Variants in SEMA6D observed in about 807,000 individuals in gnomAD.
The protein encoded by SEMA6D is semaphorin-6D.
Under a neutral mutation model 106.6 loss-of-function variants are expected in SEMA6D, and 35 were observed. That is an observed-to-expected ratio of 0.33 (90% confidence interval 0.25 to 0.44). SEMA6D has a LOEUF of 0.44. Among genes scored for constraint, SEMA6D ranks in the 20% least tolerant of loss-of-function variants. The probability of loss-of-function intolerance (pLI) is 1.00; values close to 1 mark genes in which losing one functional copy is unlikely to be tolerated. For missense variants in SEMA6D, 1,185 were observed against 1,345.9 expected (o/e 0.88, Z 1.87); for synonymous variants, 499 against 487.7 (o/e 1.02, Z -0.31).
chr15:47,214,082 A>C (rs1248583995), intron 1 of SEMA6D, among the ~76,000 whole-genome samples: 1 of 152,140 alleles, frequency 6.6e-6, no homozygotes, highest in Non-Finnish European at 1.5e-5. Context: ...GCATGGAGAA[A>C]ACTGTTAAAA....
intron 1 of SEMA6D, among the ~76,000 whole-genome samples, chr15:47,282,758 A>T (rs2035184873): frequency 6.6e-6 from 1 of 152,234 alleles, no homozygotes; most frequent in Middle Eastern, 3.4e-3. Flanking sequence ...AATGTAGATG[A>T]TGCTATGATG....
intron 3 of SEMA6D, among the ~76,000 whole-genome samples, chr15:47,473,831 C>A (rs898808485): frequency 1.3e-5 from 2 of 152,058 alleles, no homozygotes; most frequent in African/African-American, 4.8e-5. Context: ...CCAGAAACTC[C>A]TTCTTTCCCC....
intron 2 of SEMA6D, among the ~76,000 whole-genome samples, chr15:47,429,442 C>G (rs1391195595): frequency 6.6e-6 from 1 of 152,128 alleles, no homozygotes; most frequent in Admixed American, 6.6e-5. Flanking sequence ...AGTAAGGAAT[C>G]TAGCCATTCT....
intron 1 of SEMA6D, among the ~76,000 whole-genome samples, chr15:47,253,379 A>G (rs2033626922): frequency 6.6e-6 from 1 of 151,888 alleles, no homozygotes; most frequent in African/African-American, 2.4e-5. Flanking sequence ...CCATTTGTCT[A>G]TTTTTGCTTT....
Position 47,654,716 on chromosome 15 carries a change from C to A in SEMA6D, c.-55+53820C>A, listed in dbSNP as rs541686355. Among the ~76,000 whole-genome samples the A allele has an allele frequency of 7.2e-5, 11 of 152,326 alleles. No individual in the cohort carries two copies. The South Asian group carries it at 1.4e-3, about 20-fold the overall frequency. On this transcript the variant is annotated intron_variant, in intron 4 of 19. Coordinates refer to the SEMA6D transcript ENST00000558014. The stretch of plus-strand genomic sequence containing the variant: ...TTTAAAACTGTGCGGCTCCTCCCCC[C>A]ACTGCCTTTCTCTCTTGCTCCTGCT...
chr15:47,225,308 C>T (rs1161517998), intron 1 of SEMA6D, among the ~76,000 whole-genome samples: 2 of 151,972 alleles, frequency 1.3e-5, no homozygotes, highest in Admixed American at 6.6e-5. Flanking sequence ...TACATTCTCA[C>T]CAGCATTTGG....
chr15:47,295,172 G>A (rs2035757085), intron 1 of SEMA6D, among the ~76,000 whole-genome samples: 1 of 152,114 alleles, frequency 6.6e-6, no homozygotes, highest in South Asian at 2.1e-4. Context: ...TAAAACAAAG[G>A]TAAATACACA....
chr15:47,727,320 G>A (rs138697217), intron 1 of SEMA6D, among the ~76,000 whole-genome samples: 1,632 of 152,250 alleles, frequency 0.011, 11 homozygotes, highest in Non-Finnish European at 0.017. Context: ...GTTTCGCTGC[G>A]TCTGGAATGA....
At chr15:47,752,622 A>G (rs1364390329) in intron 1 of SEMA6D, among the ~76,000 whole-genome samples, 2 of 152,110 alleles carry the variant, frequency 1.3e-5, no homozygotes, top group Non-Finnish European at 2.9e-5. Context: ...TAAATGGTTA[A>G]GAGTTACAGA....
intron 1 of SEMA6D, among the ~76,000 whole-genome samples, chr15:47,742,293 T>TA (rs57184893): frequency 7.3e-5 from 11 of 151,510 alleles, no homozygotes; most frequent in East Asian, 5.8e-4. Flanking sequence ...CTTGTCCCTT[T>TA]AAAAAAAAAC....
intron 4 of SEMA6D, among the ~76,000 whole-genome samples, chr15:47,690,924 T>C (rs890917719): frequency 6.6e-6 from 1 of 152,188 alleles, no homozygotes; most frequent in Non-Finnish European, 1.5e-5. Flanking sequence ...TTTAGTTTCA[T>C]GTCGCCTTAG....
chr15:47,226,771 G>A (rs529201200), intron 1 of SEMA6D, among the ~76,000 whole-genome samples: 24 of 152,134 alleles, frequency 1.6e-4, no homozygotes, highest in African/African-American at 5.8e-4. Flanking sequence ...GATAAGCATG[G>A]TCTGGCTCTT....
At chr15:47,327,224 A>C (rs535579969) in intron 1 of SEMA6D, among the ~76,000 whole-genome samples, 1 of 152,292 alleles carries the variant, frequency 6.6e-6, no homozygotes, top group Non-Finnish European at 1.5e-5. Flanking sequence ...TCACTTGTAA[A>C]ATGCTGATAA....
chr15:47,284,878 T>C (rs1427480854), intron 1 of SEMA6D, among the ~76,000 whole-genome samples: 1 of 152,188 alleles, frequency 6.6e-6, no homozygotes, highest in African/African-American at 2.4e-5. Flanking sequence ...AGATGATATT[T>C]CATGCCTCAC....
intron 3 of SEMA6D, among the ~76,000 whole-genome samples, chr15:47,545,679 C>G (rs1338684108): frequency 6.6e-6 from 1 of 152,040 alleles, no homozygotes; most frequent in Non-Finnish European, 1.5e-5. Context: ...AAATTAAACT[C>G]AAATATATGC....
rs1459418710 is a variant in SEMA6D, at chr15:47,651,766, C to A, written c.-55+50870C>A. Among the ~76,000 whole-genome samples, 5 of 152,264 alleles carry A rather than the reference C, an allele frequency of 3.3e-5. No homozygotes were observed. The East Asian group carries it at 5.8e-4, about 18-fold the overall frequency. ...AATTTTGCACCTTTTGTGCCCTGCACATTTTCTGATACACTGTTGAGAGTA... is the reference window on the plus strand; with the variant it reads ...AATTTTGCACCTTTTGTGCCCTGCAAATTTTCTGATACACTGTTGAGAGTA... On this transcript the variant is annotated intron_variant, in intron 4 of 19. Transcript: ENST00000558014.
At chr15:47,459,449 G>A (rs555348526) in intron 2 of SEMA6D, among the ~76,000 whole-genome samples, 1 of 152,132 alleles carries the variant, frequency 6.6e-6, no homozygotes, top group South Asian at 2.1e-4. Context: ...AGACTGACTT[G>A]CAGATGGCTT....
chr15:47,717,796 C>CGTGT (rs370340667), intron 1 of SEMA6D, 104 bp downstream of exon 1: 2 of 120,386 alleles, frequency 1.7e-5, no homozygotes, highest in African/African-American at 7.7e-5. Context: ...TGTGTGTGTG[C>CGTGT]GCGCGGTGGG....
At chr15:47,611,653 C>T (rs1053445663) in intron 4 of SEMA6D, among the ~76,000 whole-genome samples, 7 of 152,054 alleles carry the variant, frequency 4.6e-5, no homozygotes, top group Non-Finnish European at 5.9e-5. Context: ...TGTATAGAAA[C>T]GTAAATCTTA....
Sources: gnomAD v4.1 joint callset for allele counts (sites outside exome capture counted in the v4.1 genomes callset) on GRCh38, gnomAD v4.1.1 for gene constraint, MANE v1.5 for transcripts, NCBI Gene and HGNC (gene_info 2026-07-23, HGNC 2026-07-21) for gene names.